Variants in CARMIL1 observed in about 807,000 individuals in gnomAD.
CARMIL1 encodes capping protein regulator and myosin 1 linker 1, also known as F-actin-uncapping protein LRRC16A.
In CARMIL1, 90 loss-of-function variants were observed where a neutral mutation model predicts 177.1. The ratio of observed to expected loss-of-function variants is 0.51; its 90% CI spans 0.43 to 0.61. CARMIL1 has a LOEUF of 0.61. Ranked by LOEUF, CARMIL1 falls within the 20% of genes least tolerant of loss-of-function variation. The pLI, the probability that CARMIL1 is intolerant of heterozygous loss-of-function variation, is 0.00. For missense variants in CARMIL1, 1,380 were observed against 1,667.0 expected, an observed-to-expected ratio of 0.83 and a Z score of 3.00; for synonymous variants, 577 against 606.2, an observed-to-expected ratio of 0.95 and a Z score of 0.71.
intron 11 of CARMIL1, among the ~76,000 whole-genome samples, chr6:25,476,390 G>T (rs746905295): frequency 6.6e-6 from 1 of 152,110 alleles, no homozygotes; most frequent in Admixed American, 6.5e-5. Context: ...AAATATTTTC[G>T]CAGACCAAGA....
intron 2 of CARMIL1, among the ~76,000 whole-genome samples, chr6:25,299,056 G>C (rs1049871163): frequency 1.3e-5 from 2 of 150,328 alleles, no homozygotes; most frequent in Non-Finnish European, 3.0e-5. Context: ...TTGGCCGATT[G>C]CTTTTATTTT....
chr6:25,438,908 G>C (rs1797475547), intron 5 of CARMIL1, among the ~76,000 whole-genome samples: 1 of 151,606 alleles, frequency 6.6e-6, no homozygotes, highest in Non-Finnish European at 1.5e-5. Context: ...AAGAATAGAA[G>C]TAGAAAGCTA....
At chr6:25,305,927 T>C (rs1204313729) in intron 2 of CARMIL1, among the ~76,000 whole-genome samples, 1 of 152,214 alleles carries the variant, frequency 6.6e-6, no homozygotes, top group African/African-American at 2.4e-5. Flanking sequence ...TTTAAAATAA[T>C]TGCCATTAAG....
intron 16 of CARMIL1, among the ~76,000 whole-genome samples, chr6:25,499,402 A>G (rs185771103): frequency 2.0e-5 from 3 of 152,296 alleles, no homozygotes; most frequent in East Asian, 3.9e-4. Flanking sequence ...TCTTCTGTCC[A>G]CTTAGTATAA....
intron 33 of CARMIL1, among the ~76,000 whole-genome samples, chr6:25,602,565 T>C (rs1231657028): frequency 1.3e-5 from 2 of 152,242 alleles, no homozygotes; most frequent in Non-Finnish European, 2.9e-5. Flanking sequence ...ATTAATGATC[T>C]GTTAGCGCCA....
intron 23 of CARMIL1, among the ~76,000 whole-genome samples, chr6:25,524,881 G>A (rs1806934304): frequency 6.6e-6 from 1 of 152,116 alleles, no homozygotes; most frequent in Non-Finnish European, 1.5e-5. Flanking sequence ...ACATGGCTGA[G>A]GGAAGAATCA....
chr6:25,491,332 G>C (rs994033411), intron 13 of CARMIL1, among the ~76,000 whole-genome samples: 1 of 152,194 alleles, frequency 6.6e-6, no homozygotes, highest in Admixed American at 6.5e-5. Context: ...ATTCAGATTC[G>C]TAGTTCTGCA....
At chr6:25,522,356 C>A (rs893204404) in intron 23 of CARMIL1, among the ~76,000 whole-genome samples, 1 of 152,188 alleles carries the variant, frequency 6.6e-6, no homozygotes, top group African/African-American at 2.4e-5. Context: ...GGATCTGCCT[C>A]CTGTACACTT....
rs144397291 is a variant in CARMIL1 at position 25,395,179 on chromosome 6, G to A, written c.139-24935G>A. ...TGTAAGCATGGACATATTTCTGTGC[G>A]TTGCTGTCCCCAAGCCCATGCGCTG... On this transcript the variant is annotated intron_variant, in intron 2 of 36. Coordinates refer to ENST00000329474, the MANE Select transcript of CARMIL1 (RefSeq NM_017640.6). Among the ~76,000 whole-genome samples, 808 of 152,266 alleles carry A rather than the reference G, an allele frequency of 5.3e-3. 8 individuals are homozygous for A. The highest frequency in any genetic ancestry group is 0.012 in the African/African-American group (512 of 41,548).
At chr6:25,504,466 C>G (rs932166275) in intron 17 of CARMIL1, among the ~76,000 whole-genome samples, 10 of 151,748 alleles carry the variant, frequency 6.6e-5, no homozygotes, top group Non-Finnish European at 1.5e-4. Context: ...ACACTTCATG[C>G]TATTAAAAAA....
At chr6:25,468,904 A>G (rs192076790) in intron 9 of CARMIL1, among the ~76,000 whole-genome samples, 1 of 152,378 alleles carries the variant, frequency 6.6e-6, no homozygotes, top group Admixed American at 6.5e-5. Context: ...ACTGCAAGGT[A>G]GCCCAGAAAT....
intron 12 of CARMIL1, among the ~76,000 whole-genome samples, chr6:25,485,926 C>T (rs10498727): frequency 0.13 from 18,773 of 148,504 alleles, 1,577 homozygotes; most frequent in Admixed American, 0.18. Context: ...GGCTCGATAA[C>T]GCAAGACAGA....
intron 2 of CARMIL1, among the ~76,000 whole-genome samples, chr6:25,337,542 C>T (rs1302392643): frequency 6.6e-6 from 1 of 152,156 alleles, no homozygotes; most frequent in Non-Finnish European, 1.5e-5. Context: ...CAGCCAACAT[C>T]CTCGAACAGA....
Position 25,282,974 on chromosome 6 carries a change from G to A in CARMIL1, c.41-1838G>A, listed in dbSNP as rs376559794. ...ATGTACATTTATTTGTTGAACATGTGAATAGACCAAAATGATTATAATACA... is the reference window on the plus strand; with the variant it reads ...ATGTACATTTATTTGTTGAACATGTAAATAGACCAAAATGATTATAATACA... On this transcript the variant is annotated intron_variant, in intron 1 of 36. Coordinates refer to ENST00000329474, the MANE Select transcript of CARMIL1 (RefSeq NM_017640.6). 5.9e-5 allele frequency among the ~76,000 whole-genome samples: 9 copies of A among 152,298 alleles called. No homozygotes were observed. In the East Asian group the frequency reaches 1.4e-3, roughly 23 times the overall value.
chr6:25,400,165 A>G (rs1793768797), intron 2 of CARMIL1, among the ~76,000 whole-genome samples: 1 of 152,184 alleles, frequency 6.6e-6, no homozygotes, highest in South Asian at 2.1e-4. Context: ...CTTAGCCTCA[A>G]TTCCTTTCTG....
chr6:25,565,728 C>T (rs1484934466), intron 29 of CARMIL1, among the ~76,000 whole-genome samples: 2 of 152,060 alleles, frequency 1.3e-5, no homozygotes, highest in African/African-American at 2.4e-5. Context: ...GCCTGTAATC[C>T]CAGCTGCTCA....
intron 2 of CARMIL1, among the ~76,000 whole-genome samples, chr6:25,317,060 T>G (rs1036846767): frequency 2.6e-5 from 4 of 152,240 alleles, no homozygotes; most frequent in African/African-American, 9.6e-5. Flanking sequence ...CTGAGGGTAC[T>G]GAGCGTGCTG....
chr6:25,562,382 G>A (rs1811199211), intron 29 of CARMIL1, among the ~76,000 whole-genome samples: 1 of 151,924 alleles, frequency 6.6e-6, no homozygotes, highest in African/African-American at 2.4e-5. Flanking sequence ...TGAGTAGCTG[G>A]GATTACAGGC....
At chr6:25,477,467 G>A (rs1801680202) in intron 11 of CARMIL1, among the ~76,000 whole-genome samples, 1 of 152,118 alleles carries the variant, frequency 6.6e-6, no homozygotes, top group African/African-American at 2.4e-5. Flanking sequence ...ATGGTGAACA[G>A]ACCACACACA....
Sources: allele counts gnomAD v4.1 joint callset (sites outside exome capture counted in the v4.1 genomes callset), GRCh38; gene constraint gnomAD v4.1.1; transcripts MANE v1.5; gene names NCBI Gene and HGNC (gene_info 2026-07-23, HGNC 2026-07-21).